Variants in SYNE1 observed in about 807,000 individuals in gnomAD.
SYNE1 encodes the protein spectrin repeat containing nuclear envelope protein 1.
A neutral mutation model predicts 1,111.0 loss-of-function variants in SYNE1; 616 were observed. That is an observed-to-expected ratio of 0.55 (90% confidence interval 0.52 to 0.59). The LOEUF (loss-of-function observed/expected upper bound fraction) is 0.59, where lower values mean the gene tolerates loss of function less well. Among genes scored for constraint, SYNE1 ranks in the 20% least tolerant of loss-of-function variants. SYNE1 has a pLI of 0.00. For synonymous variants in SYNE1, 3,855 were observed against 3,825.8 expected (o/e 1.01, Z -0.28); for missense variants, 10,006 against 10,417.0 (o/e 0.96, Z 1.72).
At chr6:152,570,835 A>G (rs1045121769) in intron 3 of SYNE1, among the ~76,000 whole-genome samples, 2 of 152,192 alleles carry the variant, frequency 1.3e-5, no homozygotes, top group Admixed American at 6.5e-5. Context: ...AGAGAAAGAC[A>G]AACAAGCAAA....
intron 78 of SYNE1, among the ~76,000 whole-genome samples, chr6:152,327,847 C>T (rs1327954742): frequency 6.6e-6 from 1 of 152,144 alleles, no homozygotes; most frequent in African/African-American, 2.4e-5. Context: ...GATTCTATAT[C>T]TCTATTTATA....
chr6:152,166,465 C>T (rs569322481), intron 130 of SYNE1, among the ~76,000 whole-genome samples: 194 of 152,264 alleles, frequency 1.3e-3, no homozygotes, highest in African/African-American at 4.5e-3. Flanking sequence ...AAAATTCATT[C>T]GTTTTTTTGG....
chr6:152,223,186 C>T (rs2080578683), intron 117 of SYNE1, among the ~76,000 whole-genome samples: 1 of 152,216 alleles, frequency 6.6e-6, no homozygotes, highest in Non-Finnish European at 1.5e-5. Context: ...CTAACCTCCT[C>T]AAAGTTATAA....
chr6:152,311,025 C>G (rs937118301), intron 87 of SYNE1, 152 bp from the exon 88 acceptor site: 5 of 739,664 alleles, frequency 6.8e-6, no homozygotes, highest in African/African-American at 3.5e-5. Context: ...TACTTGGTAG[C>G]CACTTACTAT....
At chr6:152,231,614 T>C in intron 113 of SYNE1, 47 bp from the exon 114 acceptor site, 2 of 1,589,392 alleles carry the variant, frequency 1.3e-6, no homozygotes, top group Admixed American at 1.7e-5. Context: ...AATGTCTCAT[T>C]AGTTTTCCAG....
At position 152,614,803 on chromosome 6, in the gene SYNE1, A is replaced by G. The variant is rs142616169; in HGVS notation, c.67+13462T>C. Among the ~76,000 whole-genome samples the G allele has an allele frequency of 4.8e-3, 730 of 152,348 alleles. 7 individuals are homozygous for G. Among genetic ancestry groups the G allele is most frequent in the Non-Finnish European group, 8.5e-3 (577 of 68,030 alleles). On this transcript the variant is annotated intron_variant, in intron 3 of 145. Transcript: ENST00000367255. Reference sequence around the variant, plus strand: ...ATACACCATGAAATACTATGTAGTCATAAAAAAGATGAGTTCATGTCCTTT... The same window carrying G: ...ATACACCATGAAATACTATGTAGTCGTAAAAAAGATGAGTTCATGTCCTTT...
chr6:152,246,765 T>C (rs1165852292), intron 105 of SYNE1, among the ~76,000 whole-genome samples: 1 of 152,214 alleles, frequency 6.6e-6, no homozygotes, highest in Non-Finnish European at 1.5e-5. Context: ...AGGCATGTGA[T>C]TGTGAAATTT....
chr6:152,376,646 T>A lies in SYNE1; in HGVS notation c.9147-88A>T, dbSNP rs1240587473. The A allele has an allele frequency of 6.4e-6, 10 of 1,570,068 alleles. 1 individual carries two copies. Among genetic ancestry groups the A allele is most frequent in the East Asian group, 2.3e-5 (1 of 43,658 alleles). ...TTGATAGAATCACCAGTTCTTAGAA[T>A]GTGCACTTACCTCACTTAGTAATAT... On this transcript the variant is annotated intron_variant, in intron 57 of 145. Transcript: ENST00000367255.
At chr6:152,570,684 C>G (rs1238802009) in intron 3 of SYNE1, among the ~76,000 whole-genome samples, 1 of 152,174 alleles carries the variant, frequency 6.6e-6, no homozygotes, top group African/African-American at 2.4e-5. Context: ...TTGCAGATTA[C>G]TAACAGCTGT....
In SYNE1 at chr6:152,326,458, T is replaced by C. The variant is rs758895735; in HGVS notation, c.15131A>G (p.Gln5044Arg). The change falls in exon 79 of 146, where the codon CAG (glutamine) becomes CGG (arginine). Residue 5044 changes from glutamine to arginine, a missense_variant. Around this residue, in one of 7 missense-constraint regions of SYNE1, gnomAD observed 4,955 missense variants for 5,017.2 expected, o/e 0.99. Coordinates refer to ENST00000367255, the MANE Select transcript of SYNE1 (RefSeq NM_182961.4). ...GAGCTCCTCCAGGTTACTATGGAAC[T>C]GATCCTCTGTACTGAAAAATTCCAT... ...SHMEFFSTED[Q>R]FHSNLEELHS... 1.2e-6 allele frequency: 2 copies of C among 1,614,218 alleles called. No homozygotes were observed. Among genetic ancestry groups the C allele is most frequent in the Non-Finnish European group, 1.7e-6 (2 of 1,180,040 alleles).
rs749985953 is a variant in SYNE1, at chr6:152,539,970, TGA to T, written c.117_118del (p.His40SerfsTer15). The T allele has an allele frequency of 3.1e-6, 5 of 1,602,386 alleles. No individual in the cohort carries two copies. The highest frequency in any genetic ancestry group is 4.3e-6 in the Non-Finnish European group (5 of 1,170,016). On this transcript the variant is annotated frameshift_variant, in exon 4 of 146. Transcript: ENST00000367255. LOFTEE classifies it high-confidence loss of function. Reference sequence around the variant, plus strand: ...GGTAGTTTCCTTTACCTTGGCCAGATGAGAGTTGATCCATTTTGTGAAAGTTC... The same window carrying T: ...GGTAGTTTCCTTTACCTTGGCCAGATGAGTTGATCCATTTTGTGAAAGTTC...
At chr6:152,436,156 C>T (rs2098472279) in intron 32 of SYNE1, 55 bp from the exon 33 acceptor site, 2 of 1,590,544 alleles carry the variant, frequency 1.3e-6, no homozygotes, top group Admixed American at 1.7e-5. Flanking sequence ...TATCTCTGCC[C>T]TCAAATAAAG....
At position 152,323,690 on chromosome 6, in the gene SYNE1, A is replaced by G. The variant is rs746973255; in HGVS notation, c.15705T>C (p.Pro5235=). The G allele has an allele frequency of 6.2e-7, 1 of 1,614,234 alleles. No homozygotes were observed. Among genetic ancestry groups the G allele is most frequent in the East Asian group, 2.2e-5 (1 of 44,882 alleles). Residue 5235 remains proline, a synonymous_variant, in exon 82 of 146, where the codon CCT becomes CCC. Coordinates refer to ENST00000367255, the MANE Select transcript of SYNE1 (RefSeq NM_182961.4). ...TCGATGCTTTCTCTGCTGAACTTCC[A>G]GGTAACTTATCTTGCAGCTGATCAA... ...EMIDQLQDKL[P]GSSAEKASKA...
At chr6:152,342,752 A>T (rs377295964) in intron 74 of SYNE1, among the ~76,000 whole-genome samples, 133 of 152,180 alleles carry the variant, frequency 8.7e-4, no homozygotes, top group African/African-American at 2.9e-3. Flanking sequence ...ACAAAAGTTT[A>T]AAAAAAATAT....
intron 137 of SYNE1, 69 bp downstream of exon 137, chr6:152,147,976 G>C (rs1281575825): frequency 1.5e-6 from 2 of 1,336,628 alleles, no homozygotes; most frequent in African/African-American, 2.9e-5. Flanking sequence ...TAGCTGTCAT[G>C]TTTCCAGGGC....
chr6:152,539,997 C>A lies in SYNE1; in HGVS notation c.92G>T (p.Arg31Leu). The A allele has an allele frequency of 6.2e-7, 1 of 1,613,668 alleles. No homozygotes were observed. The highest frequency in any genetic ancestry group is 1.1e-5 in the South Asian group (1 of 91,042). Reference protein sequence around the residue: ...LQDEQEIVQKRTFTKWINSHL... With the variant: ...LQDEQEIVQKLTFTKWINSHL... ...AGAGTTGATCCATTTTGTGAAAGTT[C>A]GTTTTTGTACTATCTCTTGCTCATC... Residue 31 changes from arginine (R) to leucine (L), a missense_variant, in exon 4 of 146, where the codon CGA becomes CTA. By Grantham distance (102) the Arg-to-Leu change is moderately radical. Transcript: ENST00000367255.
At chr6:152,215,478 T>A (rs1454958385) in intron 121 of SYNE1, among the ~76,000 whole-genome samples, 2 of 152,204 alleles carry the variant, frequency 1.3e-5, no homozygotes, top group Non-Finnish European at 2.9e-5. Context: ...ATATTACAAG[T>A]ATTATATTAT....
At chr6:152,337,569 G>A (rs2096429064) in intron 75 of SYNE1, among the ~76,000 whole-genome samples, 1 of 152,190 alleles carries the variant, frequency 6.6e-6, no homozygotes, top group South Asian at 2.1e-4. Flanking sequence ...GATTACAGGA[G>A]TGAGCCACTG....
At chr6:152,214,400 T>C (rs10872683) in intron 122 of SYNE1, among the ~76,000 whole-genome samples, 55,720 of 152,056 alleles carry the variant, frequency 0.37, 10,626 homozygotes, top group South Asian at 0.56. Context: ...TTTGTCAGTG[T>C]TATGGGAAAG....
Sources: gnomAD v4.1 joint callset for allele counts (sites outside exome capture counted in the v4.1 genomes callset) on GRCh38, gnomAD v4.1.1 for gene constraint, gnomAD v4.1.1 regional missense constraint, MANE v1.5 for transcripts, NCBI Gene and HGNC (gene_info 2026-07-23, HGNC 2026-07-21) for gene names.